Variants in DAB1 observed in about 807,000 individuals in gnomAD.
The protein encoded by DAB1 is DAB adaptor protein 1.
In DAB1, 15 loss-of-function variants were observed where a neutral mutation model predicts 64.6. That is an observed-to-expected ratio of 0.23 (90% CI 0.16 to 0.36). DAB1 has a LOEUF of 0.36. Among genes scored for constraint, DAB1 ranks in the 10% least tolerant of loss-of-function variants. The pLI, the probability that DAB1 is intolerant of heterozygous loss-of-function variation, is 1.00. For missense variants in DAB1, 596 were observed against 706.7 expected, an observed-to-expected ratio of 0.84 and a Z score of 1.78; for synonymous variants, 235 against 251.9, an observed-to-expected ratio of 0.93 and a Z score of 0.64.
At chr1:57,143,965 T>C (rs892478043) in intron 3 of DAB1, among the ~76,000 whole-genome samples, 2 of 151,618 alleles carry the variant, frequency 1.3e-5, no homozygotes, top group African/African-American at 2.4e-5. Context: ...TGCTCATATA[T>C]ATTGTTAGAT....
intron 5 of DAB1, among the ~76,000 whole-genome samples, chr1:57,938,847 G>T (rs1053895725): frequency 3.3e-5 from 5 of 151,846 alleles, no homozygotes; most frequent in Non-Finnish European, 5.9e-5. Context: ...GCTGCCATCT[G>T]CCTCTTCTGG....
chr1:58,510,825 TAAC>T (rs370413881), intron 2 of DAB1, among the ~76,000 whole-genome samples: 102 of 152,016 alleles, frequency 6.7e-4, no homozygotes, highest in African/African-American at 2.3e-3. Context: ...TTCTACACAC[TAAC>T]AACAAACTAT....
intron 5 of DAB1, among the ~76,000 whole-genome samples, chr1:57,938,615 C>A (rs1396562733): frequency 1.3e-5 from 2 of 152,176 alleles, no homozygotes; most frequent in Non-Finnish European, 2.9e-5. Context: ...GAGGCCTCCC[C>A]AACCATGCAG....
At chr1:57,607,598 G>T (rs1645673025) in intron 7 of DAB1, among the ~76,000 whole-genome samples, 1 of 152,076 alleles carries the variant, frequency 6.6e-6, no homozygotes, top group African/African-American at 2.4e-5. Context: ...CCATTGCATT[G>T]CTCCTACTTT....
chr1:58,248,231 A>G (rs1011038192), intron 4 of DAB1, among the ~76,000 whole-genome samples: 6 of 152,198 alleles, frequency 3.9e-5, no homozygotes, highest in African/African-American at 4.8e-5. Context: ...CTATTTGCCA[A>G]TAAGCCCTGG....
rs370784656 is a variant in DAB1, at chr1:57,218,880, G to A, written c.67+72084C>T. On this transcript the variant is annotated intron_variant, in intron 2 of 14. Coordinates refer to ENST00000371236, the MANE Select transcript of DAB1 (RefSeq NM_001365792.1). ...TATTTCTCTCTGTCAAGATGAGGACGGCCAGCAGCGGTGAGGGGAGGGGCT... is the reference window on the plus strand; with the variant it reads ...TATTTCTCTCTGTCAAGATGAGGACAGCCAGCAGCGGTGAGGGGAGGGGCT... 2.7e-4 allele frequency among the ~76,000 whole-genome samples: 41 copies of A among 152,188 alleles called. 1 individual carries two copies. Among genetic ancestry groups the A allele is most frequent in the Middle Eastern group, 3.4e-3 (1 of 294 alleles).
intron 3 of DAB1, among the ~76,000 whole-genome samples, chr1:58,396,256 C>T (rs543607921): frequency 6.6e-6 from 1 of 152,210 alleles, no homozygotes; most frequent in Non-Finnish European, 1.5e-5. Flanking sequence ...CCAGGGGCTC[C>T]AGTCAGAGGG....
At chr1:58,416,544 G>T (rs1188923117) in intron 3 of DAB1, among the ~76,000 whole-genome samples, 1 of 152,114 alleles carries the variant, frequency 6.6e-6, no homozygotes, top group African/African-American at 2.4e-5. Context: ...AATGTGGCTA[G>T]TGCAACCAAA....
At chr1:57,449,544 C>T (rs1390957113) in intron 7 of DAB1, among the ~76,000 whole-genome samples, 2 of 151,984 alleles carry the variant, frequency 1.3e-5, no homozygotes, top group African/African-American at 4.8e-5. Flanking sequence ...CTACACTTGG[C>T]TAATTTTTAT....
At chr1:58,498,306 C>T (rs1311396272) in intron 3 of DAB1, among the ~76,000 whole-genome samples, 1 of 151,290 alleles carries the variant, frequency 6.6e-6, no homozygotes, top group African/African-American at 2.4e-5. Flanking sequence ...ATTCCTATAA[C>T]TTCACCCTTG....
At chr1:58,176,919 C>T (rs1313619459) in intron 4 of DAB1, among the ~76,000 whole-genome samples, 2 of 151,156 alleles carry the variant, frequency 1.3e-5, no homozygotes, top group Admixed American at 1.3e-4. Flanking sequence ...GCGGAGCTTG[C>T]AGTGAGCTGA....
At chr1:58,298,352 TTC>T (rs1662039596) in intron 4 of DAB1, among the ~76,000 whole-genome samples, 1 of 152,252 alleles carries the variant, frequency 6.6e-6, no homozygotes, top group Non-Finnish European at 1.5e-5. Flanking sequence ...TCTATTATTG[TTC>T]CTTTGCCCAC....
At chr1:58,223,049 T>C (rs756508150) in intron 4 of DAB1, among the ~76,000 whole-genome samples, 1 of 152,174 alleles carries the variant, frequency 6.6e-6, no homozygotes, top group East Asian at 1.9e-4. Flanking sequence ...ATAGCATGCA[T>C]TCATACATGT....
At chr1:57,245,320 T>C (rs1049706725) in intron 2 of DAB1, among the ~76,000 whole-genome samples, 3 of 152,158 alleles carry the variant, frequency 2.0e-5, no homozygotes, top group Non-Finnish European at 2.9e-5. Context: ...CTAGGGTACA[T>C]GTGCACATTG....
chr1:57,056,105 G>C (rs1649727459), intron 9 of DAB1, among the ~76,000 whole-genome samples: 1 of 152,062 alleles, frequency 6.6e-6, no homozygotes, highest in Non-Finnish European at 1.5e-5. Context: ...AATTCACAAA[G>C]CTAGAAAATG....
chr1:57,914,646 T>C (rs1202811), intron 5 of DAB1, among the ~76,000 whole-genome samples: 30,042 of 152,194 alleles, frequency 0.2, 3,369 homozygotes, highest in Admixed American at 0.27. Context: ...AAAAAAAGTC[T>C]GTTGAATGAA....
At chr1:58,315,392 G>T (rs1413952390) in intron 4 of DAB1, among the ~76,000 whole-genome samples, 2 of 152,152 alleles carry the variant, frequency 1.3e-5, no homozygotes, top group African/African-American at 4.8e-5. Flanking sequence ...GCTCCTTCCA[G>T]ACTCAGCCCA....
chr1:58,085,958 C>CTCTTT lies in DAB1; in HGVS notation n.387+64552_387+64553insAAAGA, dbSNP rs1289919186. Among the ~76,000 whole-genome samples, 90 of 98,708 alleles carry CTCTTT rather than the reference C, an allele frequency of 9.1e-4. 6 individuals are homozygous for CTCTTT. In the South Asian group the frequency reaches 0.035, roughly 38 times the overall value. 64.8% of individuals were successfully genotyped at this position (98,708 alleles called of 152,430 possible). Reference sequence around the variant, plus strand: ...GGATGCTGTGGGCTGATCTCTCTCTCTTTTTTTTTTTTTTTTTTTTTTTGA... The same window carrying CTCTTT: ...GGATGCTGTGGGCTGATCTCTCTCTCTCTTTTTTTTTTTTTTTTTTTTTTTTTTGA... On this transcript the variant is annotated intron_variant and non_coding_transcript_variant, in intron 5 of 20. Transcript: ENST00000485760.
chr1:57,025,791 C>G (rs910635249), intron 10 of DAB1, among the ~76,000 whole-genome samples, 190 bp downstream of exon 10: 1 of 152,212 alleles, frequency 6.6e-6, no homozygotes. Flanking sequence ...CATACTTCCC[C>G]TTTATAAATA....
Sources: gnomAD v4.1 joint callset for allele counts (sites outside exome capture counted in the v4.1 genomes callset) on GRCh38, gnomAD v4.1.1 for gene constraint, MANE v1.5 for transcripts, NCBI Gene and HGNC (gene_info 2026-07-23, HGNC 2026-07-21) for gene names.